ADGRB3: variants seen among roughly 807,000 people sequenced by gnomAD.
ADGRB3 encodes adhesion G protein-coupled receptor B3, also known as brain-specific angiogenesis inhibitor 3.
ADGRB3 carries 37 observed loss-of-function variants against 193.4 expected under a neutral mutation model. That is an observed-to-expected ratio of 0.19 (90% CI 0.15 to 0.25). The LOEUF (loss-of-function observed/expected upper bound fraction) is 0.25, where lower values mean the gene tolerates loss of function less well. ADGRB3 is among the 10% of genes least tolerant of loss of function. ADGRB3 has a pLI of 1.00. For synonymous variants in ADGRB3, 690 were observed against 644.2 expected (o/e 1.07, Z -1.08); for missense variants, 1,637 against 1,852.9 (o/e 0.88, Z 2.14).
intron 6 of ADGRB3, among the ~76,000 whole-genome samples, chr6:68,944,854 G>C (rs1037151653): frequency 6.6e-6 from 1 of 152,114 alleles, no homozygotes; most frequent in African/African-American, 2.4e-5. Context: ...AATTGCAAAG[G>C]CTAAGATGGC....
At chr6:69,383,596 T>C (rs1769997406) in intron 31 of ADGRB3, among the ~76,000 whole-genome samples, 1 of 152,006 alleles carries the variant, frequency 6.6e-6, no homozygotes, top group African/African-American at 2.4e-5. Flanking sequence ...AGTATACTAG[T>C]CGAAAGCTCA....
intron 17 of ADGRB3, among the ~76,000 whole-genome samples, chr6:69,170,993 GA>G (rs1312556974): frequency 6.6e-6 from 1 of 151,968 alleles, no homozygotes; most frequent in African/African-American, 2.4e-5. Flanking sequence ...AAAGTAAAAA[GA>G]AAAAAGTTAT....
rs1554252122 is a variant in ADGRB3, at chr6:69,043,334, G to GAAAGAAAGGAAGAAAGAA, written c.2108-4844_2108-4843insGGAAGAAAGAAAAAGAAA. Among the ~76,000 whole-genome samples the GAAAGAAAGGAAGAAAGAA allele has an allele frequency of 4.2e-4, 46 of 110,104 alleles. 2 individuals carry two copies. Among genetic ancestry groups the GAAAGAAAGGAAGAAAGAA allele is most frequent in the African/African-American group, 1.5e-3 (46 of 31,494 alleles). 72.2% of individuals were successfully genotyped at this position (110,104 alleles called of 152,430 possible). The stretch of plus-strand genomic sequence containing the variant: ...AAAGAAAGAAAGAAAGAAAGAAAGA[G>GAAAGAAAGGAAGAAAGAA]AAAGAAAAGAAGATTAAGTAAAAAG... On this transcript the variant is annotated intron_variant, in intron 13 of 31. Transcript: ENST00000370598.
intron 3 of ADGRB3, among the ~76,000 whole-genome samples, chr6:68,781,367 G>A (rs1766849251): frequency 6.6e-6 from 1 of 152,090 alleles, no homozygotes. Context: ...GACCAGTGAA[G>A]CTAACTTGTT....
chr6:68,845,676 C>T (rs1182636740), intron 3 of ADGRB3, among the ~76,000 whole-genome samples: 2 of 152,174 alleles, frequency 1.3e-5, no homozygotes, highest in African/African-American at 4.8e-5. Flanking sequence ...TCCTTTCTTG[C>T]TGCCACCATG....
chr6:69,187,718 T>C (rs571290824), intron 17 of ADGRB3, among the ~76,000 whole-genome samples: 1 of 152,306 alleles, frequency 6.6e-6, no homozygotes, highest in Admixed American at 6.5e-5. Flanking sequence ...ATGCTCTGCA[T>C]GTAGGGACTT....
At chr6:68,998,207 G>A (rs1769449399) in intron 11 of ADGRB3, among the ~76,000 whole-genome samples, 1 of 152,134 alleles carries the variant, frequency 6.6e-6, no homozygotes, top group South Asian at 2.1e-4. Context: ...TCACCTTACT[G>A]AGGGACAGCA....
chr6:68,703,460 A>C (rs1401263985), intron 3 of ADGRB3, among the ~76,000 whole-genome samples: 2 of 152,096 alleles, frequency 1.3e-5, no homozygotes, highest in African/African-American at 4.8e-5. Flanking sequence ...TGTTTCTATA[A>C]TTTATACAAT....
chr6:68,899,341 G>T (rs1766328527), intron 3 of ADGRB3, among the ~76,000 whole-genome samples: 1 of 151,642 alleles, frequency 6.6e-6, no homozygotes, highest in African/African-American at 2.4e-5. Flanking sequence ...TGCACATTGT[G>T]CAGGTTAGTT....
chr6:68,784,148 C>T (rs1656546393), intron 3 of ADGRB3, among the ~76,000 whole-genome samples: 1 of 152,056 alleles, frequency 6.6e-6, no homozygotes, highest in African/African-American at 2.4e-5. Flanking sequence ...ATATGATACT[C>T]AAATAACCTT....
At chr6:68,724,286 C>A (rs561196122) in intron 3 of ADGRB3, among the ~76,000 whole-genome samples, 2 of 151,710 alleles carry the variant, frequency 1.3e-5, no homozygotes, top group East Asian at 2.0e-4. Context: ...AAATTCCTAA[C>A]AAGAAACAGA....
At chr6:68,652,580 C>T (rs1176116086) in intron 3 of ADGRB3, among the ~76,000 whole-genome samples, 1 of 152,084 alleles carries the variant, frequency 6.6e-6, no homozygotes, top group Non-Finnish European at 1.5e-5. Context: ...GTGTTTTTCT[C>T]ACATACTAGT....
At chr6:69,119,312 T>A (rs924349991) in intron 17 of ADGRB3, among the ~76,000 whole-genome samples, 2 of 152,200 alleles carry the variant, frequency 1.3e-5, no homozygotes, top group African/African-American at 4.8e-5. Flanking sequence ...AATATTTCCT[T>A]CTGCCTACTA....
At chr6:68,819,104 AT>A (rs1247371082) in intron 3 of ADGRB3, among the ~76,000 whole-genome samples, 1 of 151,926 alleles carries the variant, frequency 6.6e-6, no homozygotes, top group Admixed American at 6.6e-5. Flanking sequence ...TACACCTTTT[AT>A]TTTTTCACCT....
intron 20 of ADGRB3, among the ~76,000 whole-genome samples, chr6:69,266,194 A>T (rs1767035983): frequency 6.6e-6 from 1 of 152,044 alleles, no homozygotes; most frequent in Non-Finnish European, 1.5e-5. Context: ...TATTTACTTA[A>T]TAATTAAAGG....
chr6:68,977,359 C>A (rs1385734520), intron 10 of ADGRB3, among the ~76,000 whole-genome samples: 2 of 151,462 alleles, frequency 1.3e-5, no homozygotes, highest in African/African-American at 2.4e-5. Context: ...ATATTCAGTT[C>A]TTGTTCAGTC....
intron 15 of ADGRB3, among the ~76,000 whole-genome samples, chr6:69,058,304 G>T (rs997741165): frequency 6.6e-5 from 10 of 151,056 alleles, no homozygotes; most frequent in South Asian, 2.1e-4. Flanking sequence ...TTTTTTTCTG[G>T]TTTTTGTTAT....
At chr6:68,762,918 A>G (rs1425442327) in intron 3 of ADGRB3, among the ~76,000 whole-genome samples, 1 of 152,222 alleles carries the variant, frequency 6.6e-6, no homozygotes, top group African/African-American at 2.4e-5. Context: ...TTAAAGATTT[A>G]AAGTAATTTA....
rs2127298283 is a variant in ADGRB3 at position 68,681,370 on chromosome 6, G to T, written c.757+41938G>T. On this transcript the variant is annotated intron_variant, in intron 3 of 31. Transcript: ENST00000370598. ...GACAGCATCTCCCTTTGTTTCCCAG[G>T]TTGGGCTCAAGTGATTCTCCCACCT... Among the ~76,000 whole-genome samples, 3 of 152,012 alleles carry T rather than the reference G, an allele frequency of 2.0e-5. No homozygotes were observed. In the Middle Eastern group the frequency reaches 0.01, roughly 517 times the overall value.
Sources: allele counts gnomAD v4.1 joint callset (sites outside exome capture counted in the v4.1 genomes callset), GRCh38; gene constraint gnomAD v4.1.1; transcripts MANE v1.5; gene names NCBI Gene and HGNC (gene_info 2026-07-23, HGNC 2026-07-21).